The following ZNF366 variants were observed in gnomAD, a reference collection of about 807,000 sequenced individuals.
The protein encoded by ZNF366 is zinc finger protein 366.
A neutral mutation model predicts 47.2 loss-of-function variants in ZNF366; 20 were observed. That is an observed-to-expected ratio of 0.42 (90% CI 0.30 to 0.62). The LOEUF (loss-of-function observed/expected upper bound fraction) is 0.62, where lower values mean the gene tolerates loss of function less well. ZNF366 is among the 20% of genes least tolerant of loss of function. The probability of loss-of-function intolerance (pLI) is 0.16; values close to 1 mark genes in which losing one functional copy is unlikely to be tolerated. For synonymous variants in ZNF366, 421 were observed against 395.1 expected (o/e 1.07, Z -0.78); for missense variants, 987 against 976.3 (o/e 1.01, Z -0.15).
chr5:72,467,958 A>C (rs1171206764), intron 1 of ZNF366, among the ~76,000 whole-genome samples: 3 of 152,200 alleles, frequency 2.0e-5, no homozygotes, highest in African/African-American at 4.8e-5. Context: ...AAGGCAGAGG[A>C]GGATAGACAT....
In ZNF366 at chr5:72,488,984, A is replaced by G. The variant is rs140578802; in HGVS notation, c.-15+18267T>C. Among the ~76,000 whole-genome samples the G allele has an allele frequency of 5.1e-3, 777 of 152,306 alleles. 6 individuals carry two copies. The highest frequency in any genetic ancestry group is 0.016 in the African/African-American group (654 of 41,564). On this transcript the variant is annotated intron_variant, in intron 1 of 4. Transcript: ENST00000318442. ...TTGTATTGCATTTTCCTATCCCTTTATAGGCAGGCATGGCACATGACTTGC... is the reference window on the plus strand; with the variant it reads ...TTGTATTGCATTTTCCTATCCCTTTGTAGGCAGGCATGGCACATGACTTGC...
chr5:72,455,503 A>T (rs1398734672), intron 3 of ZNF366, among the ~76,000 whole-genome samples: 1 of 152,186 alleles, frequency 6.6e-6, no homozygotes, highest in Non-Finnish European at 1.5e-5. Flanking sequence ...AGCCTTCTTC[A>T]TGACCGGATG....
At chr5:72,466,742 G>T (rs575057580) in intron 1 of ZNF366, among the ~76,000 whole-genome samples, 1 of 152,184 alleles carries the variant, frequency 6.6e-6, no homozygotes, top group Admixed American at 6.5e-5. Context: ...GATGACTTTC[G>T]ATATTTCCCT....
At chr5:72,499,778 G>A (rs557345577) in intron 1 of ZNF366, among the ~76,000 whole-genome samples, 2 of 152,240 alleles carry the variant, frequency 1.3e-5, no homozygotes, top group South Asian at 4.1e-4. Flanking sequence ...ATTAAACAGC[G>A]CTGAAAACCT....
intron 4 of ZNF366, among the ~76,000 whole-genome samples, chr5:72,445,914 G>A (rs1702632710): frequency 6.6e-6 from 1 of 151,794 alleles, no homozygotes; most frequent in Non-Finnish European, 1.5e-5. Context: ...CCCTTTTTTT[G>A]TGACCACAGC....
intron 1 of ZNF366, among the ~76,000 whole-genome samples, chr5:72,502,358 G>T (rs1056572512): frequency 6.6e-6 from 1 of 152,132 alleles, no homozygotes; most frequent in African/African-American, 2.4e-5. Flanking sequence ...GCCTTCATTA[G>T]GCTAGTTGTT....
intron 4 of ZNF366, among the ~76,000 whole-genome samples, chr5:72,445,222 C>T (rs115967374): frequency 2.6e-5 from 4 of 152,240 alleles, no homozygotes; most frequent in South Asian, 2.1e-4. Context: ...GGCTTTTCAG[C>T]ATGGCAGTTT....
chr5:72,460,085 G>A (rs1468464042), intron 2 of ZNF366, 80 bp downstream of exon 2: 2 of 1,529,422 alleles, frequency 1.3e-6, no homozygotes, highest in South Asian at 1.3e-5. Flanking sequence ...CGGCACAGGC[G>A]TCCTGCTCCC....
In ZNF366 at chr5:72,460,803, C is replaced by T; in HGVS notation, c.694G>A (p.Val232Met). The change falls in exon 2 of 5, where the codon GTG becomes ATG. Residue 232 changes from valine to methionine, a missense_variant. By Grantham distance (21) the Val-to-Met change is conservative. Coordinates refer to ENST00000318442, the MANE Select transcript of ZNF366 (RefSeq NM_152625.3). ...SEETKQKVER[V>M]DVNVQIDDSY... is the part of the protein sequence containing the mutation. Reference sequence around the variant, plus strand: ...TCATCGATCTGCACGTTCACGTCCACCCTCTCCACCTTCTGCTTGGTCTCC... The same window carrying T: ...TCATCGATCTGCACGTTCACGTCCATCCTCTCCACCTTCTGCTTGGTCTCC... 2 of 1,614,220 alleles carry T rather than the reference C, an allele frequency of 1.2e-6. No homozygotes were observed. Among genetic ancestry groups the T allele is most frequent in the Non-Finnish European group, 8.5e-7 (1 of 1,180,054 alleles).
At chr5:72,467,158 G>A (rs1743445939) in intron 1 of ZNF366, among the ~76,000 whole-genome samples, 1 of 152,196 alleles carries the variant, frequency 6.6e-6, no homozygotes, top group South Asian at 2.1e-4. Flanking sequence ...CATTTTCATT[G>A]TTACGGTCAG....
At chr5:72,457,874 C>T (rs1351725387) in intron 2 of ZNF366, among the ~76,000 whole-genome samples, 2 of 152,038 alleles carry the variant, frequency 1.3e-5, no homozygotes, top group Non-Finnish European at 2.9e-5. Context: ...AATCAACCTC[C>T]TTTAGAAATT....
intron 1 of ZNF366, among the ~76,000 whole-genome samples, chr5:72,484,456 C>G (rs1489477475): frequency 6.8e-6 from 1 of 146,704 alleles, no homozygotes; most frequent in Non-Finnish European, 1.5e-5. Context: ...TGCACTCCAG[C>G]CTGGGCGACA....
chr5:72,490,808 G>C (rs995547557), intron 1 of ZNF366, among the ~76,000 whole-genome samples: 16 of 152,212 alleles, frequency 1.1e-4, no homozygotes, highest in African/African-American at 3.9e-4. Context: ...GTAGGCATTA[G>C]ACTGCCCCCA....
chr5:72,481,684 G>C (rs556868166), intron 1 of ZNF366, among the ~76,000 whole-genome samples: 1 of 152,088 alleles, frequency 6.6e-6, no homozygotes, highest in South Asian at 2.1e-4. Flanking sequence ...GACTCCTTTT[G>C]TTTTCCACCT....
rs950827210 is a variant in ZNF366, at chr5:72,442,379, C to T, written c.*1377G>A. ...TTTGGAAAATTTCAGTCCTAGGGCT[C>T]CACTCCAGATCAATTAAATCAGAAT... On this transcript the variant is annotated 3_prime_UTR_variant, in exon 5 of 5. Coordinates refer to ENST00000318442, the MANE Select transcript of ZNF366 (RefSeq NM_152625.3). 6.6e-6 allele frequency: 1 copy of T among 152,138 alleles called. No individual in the cohort carries two copies. The highest frequency in any genetic ancestry group is 2.4e-5 in the African/African-American group (1 of 41,414). 9.4% of individuals were successfully genotyped at this position (152,138 alleles called of 1,614,324 possible). A position where few individuals can be genotyped will look rare whatever the true frequency, so the allele number is the denominator to read the frequency against.
chr5:72,442,268 T>C lies in ZNF366; in HGVS notation c.*1488A>G, dbSNP rs1413301080. 2 of 152,166 alleles carry C rather than the reference T, an allele frequency of 1.3e-5. No homozygotes were observed. The highest frequency in any genetic ancestry group is 2.9e-5 in the Non-Finnish European group (2 of 68,030). 9.4% of individuals were successfully genotyped at this position (152,166 alleles called of 1,614,324 possible). On this transcript the variant is annotated 3_prime_UTR_variant, in exon 5 of 5. Coordinates refer to ENST00000318442, the MANE Select transcript of ZNF366 (RefSeq NM_152625.3). ...ATACTTATGAAGTCTCTGGGAAGTG[T>C]CCTGGAAGCCACAGAAATGGTGAGT...
chr5:72,446,858 C>T (rs1393986728), intron 4 of ZNF366, among the ~76,000 whole-genome samples: 1 of 152,186 alleles, frequency 6.6e-6, no homozygotes, highest in East Asian at 1.9e-4. Flanking sequence ...CTTGACTCTG[C>T]CACTTTTCAG....
intron 3 of ZNF366, among the ~76,000 whole-genome samples, chr5:72,451,361 A>C (rs1411583142): frequency 6.6e-6 from 1 of 152,268 alleles, no homozygotes; most frequent in Non-Finnish European, 1.5e-5. Flanking sequence ...AAAATATTTT[A>C]AAGTGCCCTT....
At position 72,460,772 on chromosome 5, in the gene ZNF366, T is replaced by C. The variant is rs1296532981; in HGVS notation, c.725A>G (p.Tyr242Cys). The C allele has an allele frequency of 2.5e-6, 4 of 1,614,106 alleles. No homozygotes were observed. The highest frequency in any genetic ancestry group is 2.2e-5 in the East Asian group (1 of 44,874). ...CTGCGAGCCGCCCACGTCCACGTAGTAGCTGTCATCGATCTGCACGTTCAC... is the reference window on the plus strand; with the variant it reads ...CTGCGAGCCGCCCACGTCCACGTAGCAGCTGTCATCGATCTGCACGTTCAC... ...VDVNVQIDDS[Y>C]YVDVGGSQKR... Residue 242 changes from tyrosine to cysteine, a missense_variant, in exon 2 of 5, where the codon TAC becomes TGC. Physicochemically the swap from Tyr to Cys is radical, Grantham distance 194 (BLOSUM62 -2). Around this residue, in one of 3 missense-constraint regions of ZNF366, gnomAD observed 591 missense variants for 560.9 expected, o/e 1.05. Transcript: ENST00000318442.
Sources: gnomAD v4.1 joint callset for allele counts (sites outside exome capture counted in the v4.1 genomes callset) on GRCh38, gnomAD v4.1.1 for gene constraint, gnomAD v4.1.1 regional missense constraint, MANE v1.5 for transcripts, NCBI Gene and HGNC (gene_info 2026-07-23, HGNC 2026-07-21) for gene names.